DPYD: variants seen among roughly 807,000 people sequenced by gnomAD.
The protein encoded by DPYD is dihydropyrimidine dehydrogenase.
In DPYD, 109 loss-of-function variants were observed where a neutral mutation model predicts 116.2. The observed-to-expected ratio is 0.94, with a 90% CI of 0.80 to 1.10. The LOEUF is 1.10. Among genes scored for constraint, DPYD ranks in the 50% least tolerant of loss-of-function variants. The pLI, the probability that DPYD is intolerant of heterozygous loss-of-function variation, is 0.00. For synonymous variants in DPYD, 440 were observed against 432.0 expected (o/e 1.02, Z -0.23); for missense variants, 1,302 against 1,254.5 (o/e 1.04, Z -0.57).
intron 3 of DPYD, 98 bp from the exon 4 acceptor site, chr1:97,740,577 A>AGTGAGATAATCTATTTTCTACCTT: frequency 9.7e-7 from 1 of 1,034,684 alleles, no homozygotes; most frequent in Non-Finnish European, 1.5e-6. Context: ...AGTAAGTATA[A>AGTGAGATAATCTATTTTCTACCTT]ATAAAATCGT....
In DPYD at chr1:97,170,538, G is replaced by C. The variant is rs17116531; in HGVS notation, c.2622+22531C>G. On this transcript the variant is annotated intron_variant, in intron 20 of 22. Transcript: ENST00000370192. ...TAGGCAATGCAGCTGATGAAGGGAA[G>C]GCCCAAAGCTGGGGAGAACAAGGCA... Among the ~76,000 whole-genome samples the C allele has an allele frequency of 7.4e-3, 1,121 of 152,282 alleles. 18 individuals are homozygous for C. The highest frequency in any genetic ancestry group is 0.025 in the African/African-American group (1,050 of 41,572).
In DPYD at chr1:97,566,728, G is replaced by A. The variant is rs181104880; in HGVS notation, c.1339+7032C>T. 2.9e-4 allele frequency among the ~76,000 whole-genome samples: 44 copies of A among 152,056 alleles called. No individual in the cohort carries two copies. The East Asian group carries it at 6.2e-3, about 21-fold the overall frequency. On this transcript the variant is annotated intron_variant, in intron 11 of 22. Transcript: ENST00000370192. Reference sequence around the variant, plus strand: ...CTTTATTTTTGATATGAGAAATTACGTAAGCTGAAGGTCATAAAGAGTGGT... The same window carrying A: ...CTTTATTTTTGATATGAGAAATTACATAAGCTGAAGGTCATAAAGAGTGGT...
At chr1:97,226,508 T>C (rs1413732567) in intron 19 of DPYD, among the ~76,000 whole-genome samples, 1 of 152,042 alleles carries the variant, frequency 6.6e-6, no homozygotes, top group Non-Finnish European at 1.5e-5. Context: ...ACAGAACAGT[T>C]AGAATAAATG....
intron 2 of DPYD, among the ~76,000 whole-genome samples, chr1:97,872,788 T>G (rs949397095): frequency 1.3e-5 from 2 of 151,936 alleles, no homozygotes; most frequent in African/African-American, 4.8e-5. Flanking sequence ...ATCATCATCA[T>G]TGTCACTACT....
At chr1:97,542,747 GCTAT>G (rs569931412) in intron 12 of DPYD, among the ~76,000 whole-genome samples, 14 of 152,192 alleles carry the variant, frequency 9.2e-5, no homozygotes, top group African/African-American at 3.1e-4. Flanking sequence ...AATAATTGGT[GCTAT>G]CTATTATATC....
chr1:97,511,218 C>T (rs545034435), intron 13 of DPYD, among the ~76,000 whole-genome samples: 1 of 151,974 alleles, frequency 6.6e-6, no homozygotes, highest in Non-Finnish European at 1.5e-5. Context: ...ATTATTTCAT[C>T]TGAAAACAAT....
At chr1:97,564,480 T>G (rs765333288) in intron 11 of DPYD, among the ~76,000 whole-genome samples, 10 of 152,232 alleles carry the variant, frequency 6.6e-5, no homozygotes, top group African/African-American at 9.6e-5. Context: ...GCTGTAGGCA[T>G]TAAGGTATAG....
chr1:97,160,187 A>G (rs1655786051), intron 20 of DPYD, among the ~76,000 whole-genome samples: 1 of 152,132 alleles, frequency 6.6e-6, no homozygotes, highest in South Asian at 2.1e-4. Flanking sequence ...ATTTTAGAAC[A>G]ATTCTTATTT....
chr1:97,726,185 G>A (rs983826384), intron 4 of DPYD, among the ~76,000 whole-genome samples: 2 of 151,440 alleles, frequency 1.3e-5, no homozygotes, highest in Admixed American at 1.3e-4. Context: ...AAAGCTACTA[G>A]TTAACATGTA....
chr1:97,790,153 C>T (rs535593343), intron 3 of DPYD, among the ~76,000 whole-genome samples: 52 of 152,166 alleles, frequency 3.4e-4, no homozygotes, highest in Non-Finnish European at 5.0e-4. Flanking sequence ...AATCCCCACA[C>T]TGCTTACCAT....
intron 7 of DPYD, among the ~76,000 whole-genome samples, chr1:97,682,064 A>C (rs1660454038): frequency 6.6e-6 from 1 of 152,144 alleles, no homozygotes; most frequent in African/African-American, 2.4e-5. Context: ...AGAGGAATAA[A>C]GACATCCCAA....
At chr1:97,264,436 T>C (rs1664100761) in intron 18 of DPYD, among the ~76,000 whole-genome samples, 1 of 151,976 alleles carries the variant, frequency 6.6e-6, no homozygotes, top group South Asian at 2.1e-4. Context: ...TCCTCCCTGC[T>C]TGGTCTCCCA....
chr1:97,594,909 C>T (rs1343016994), intron 9 of DPYD, 150 bp downstream of exon 9: 17 of 609,278 alleles, frequency 2.8e-5, no homozygotes, highest in Admixed American at 5.8e-5. Flanking sequence ...CTGTTATACC[C>T]GGCCTTTTTT....
chr1:97,450,056 T>A lies in DPYD; in HGVS notation c.1905+3A>T, dbSNP rs762420899. ...CTTGTTTTAGATGTTAAATCACACT[T>A]ACGTTGTCTGGAAAGTCAGCCTTTA... is the stretch of plus-strand genomic sequence containing the variant. On this transcript the variant is annotated splice_donor_region_variant and intron_variant, in intron 14 of 22. Coordinates refer to ENST00000370192, the MANE Select transcript of DPYD (RefSeq NM_000110.4). 1 of 1,613,852 alleles carries A rather than the reference T, an allele frequency of 6.2e-7. No homozygotes were observed. Among genetic ancestry groups the A allele is most frequent in the African/African-American group, 1.3e-5 (1 of 75,034 alleles).
At chr1:97,180,351 T>C (rs770026369) in intron 20 of DPYD, among the ~76,000 whole-genome samples, 11 of 152,144 alleles carry the variant, frequency 7.2e-5, no homozygotes, top group African/African-American at 1.2e-4. Flanking sequence ...TAACGGGAGA[T>C]ATAACAAATA....
intron 18 of DPYD, among the ~76,000 whole-genome samples, chr1:97,273,095 T>C (rs1482381543): frequency 6.6e-6 from 1 of 152,176 alleles, no homozygotes; most frequent in Non-Finnish European, 1.5e-5. Flanking sequence ...GGATGTTTCC[T>C]TTCATTAAAT....
intron 7 of DPYD, among the ~76,000 whole-genome samples, chr1:97,688,533 C>A (rs978133712): frequency 8.5e-5 from 13 of 152,094 alleles, no homozygotes; most frequent in African/African-American, 2.6e-4. Context: ...AAGATGACAA[C>A]TTCCAAATTT....
At chr1:97,205,130 G>A (rs1385289419) in intron 19 of DPYD, among the ~76,000 whole-genome samples, 4 of 152,004 alleles carry the variant, frequency 2.6e-5, no homozygotes, top group Admixed American at 6.6e-5. Context: ...TGGTACATCT[G>A]TTACAGTTAA....
At chr1:97,814,255 C>A (rs1010190000) in intron 3 of DPYD, among the ~76,000 whole-genome samples, 1 of 152,032 alleles carries the variant, frequency 6.6e-6, no homozygotes, top group African/African-American at 2.4e-5. Flanking sequence ...GTGAGCAAGG[C>A]TGAAAGAGGT....
Sources: gnomAD v4.1 joint callset for allele counts (sites outside exome capture counted in the v4.1 genomes callset) on GRCh38, gnomAD v4.1.1 for gene constraint, MANE v1.5 for transcripts, NCBI Gene and HGNC (gene_info 2026-07-23, HGNC 2026-07-21) for gene names.